Variants in DUSP15 observed in about 807,000 individuals in gnomAD.
DUSP15 encodes the protein dual specificity phosphatase 15, also known as dual specificity protein phosphatase 15.
DUSP15 carries 23 observed loss-of-function variants against 26.3 expected under a neutral mutation model. That is an observed-to-expected ratio of 0.87 (90% CI 0.63 to 1.24). DUSP15 has a LOEUF of 1.24. Among genes scored for constraint, DUSP15 ranks in the 50% most tolerant of loss-of-function variants. The probability of loss-of-function intolerance (pLI) is 0.00; values close to 1 mark genes in which losing one functional copy is unlikely to be tolerated. For missense variants in DUSP15, 364 were observed against 320.6 expected (o/e 1.14, Z -1.03); for synonymous variants, 143 against 135.5 (o/e 1.06, Z -0.39).
downstream of DUSP15, chr20:31,860,951 G>A: frequency 1.0e-6 from 1 of 988,088 alleles, no homozygotes; most frequent in South Asian, 4.7e-5. Context: ...CAGGCCCCCA[G>A]GGGATGCAGG....
chr20:31,870,160 C>G lies in DUSP15; in HGVS notation c.21+157G>C. The G allele has an allele frequency of 1.6e-6, 2 of 1,225,752 alleles. No homozygotes were observed. The highest frequency in any genetic ancestry group is 2.0e-6 in the Non-Finnish European group (2 of 983,534). The allele number at this position is 1,225,752 out of a possible 1,614,324, so 75.9% of individuals were successfully genotyped here. A position where few individuals can be genotyped will look rare whatever the true frequency, so the allele number is the denominator to read the frequency against. ...GACGCAGGGTCAGAGAGGGGGAGACCCGACAGCCGCGGTCTCGAGTCACAG... is the reference window on the plus strand; with the variant it reads ...GACGCAGGGTCAGAGAGGGGGAGACGCGACAGCCGCGGTCTCGAGTCACAG... On this transcript the variant is annotated intron_variant, in intron 1 of 6. Transcript: ENST00000339738. This position sits in a 1 kb window ranked among gnomAD's most constrained non-coding sequence, Gnocchi z 6.6.
chr20:31,848,943 G>A lies in DUSP15; in HGVS notation c.629-40C>T, dbSNP rs1403386611. On this transcript the variant is annotated intron_variant, in intron 8 of 9. Coordinates refer to the DUSP15 transcript ENST00000278979. ...ACAATTATACGACACTGAGACTATA[G>A]GGACTGGGCAAGAACTAGGCAACCC... 11 of 1,550,078 alleles carry A rather than the reference G, an allele frequency of 7.1e-6. 1 individual carries two copies. In the South Asian group the frequency reaches 1.3e-4, roughly 18 times the overall value.
In DUSP15 at chr20:31,861,694, G is replaced by T; in HGVS notation, c.436-19C>A. ...GGCGAAGCTGGGGTGGGCGGGTGAG[G>T]TGGGCGGGGTCAAGGCCGGCGCGGG... On this transcript the variant is annotated intron_variant, in intron 6 of 6. Transcript: ENST00000339738. The T allele has an allele frequency of 4.5e-6, 6 of 1,336,598 alleles. No individual in the cohort carries two copies. The highest frequency in any genetic ancestry group is 1.5e-5 in the South Asian group (1 of 67,264). The allele number at this position is 1,336,598 out of a possible 1,614,324, so 82.8% of individuals were successfully genotyped here.
downstream of DUSP15, among the ~76,000 whole-genome samples, chr20:31,858,053 G>A (rs1161211418): frequency 6.6e-6 from 1 of 152,184 alleles, no homozygotes; most frequent in African/African-American, 2.4e-5. The surrounding 1 kb of genome is among the most constrained non-coding windows in gnomAD (Gnocchi z 4.4). Context: ...GTGGCCCAGG[G>A]TCACAAGGCT....
chr20:31,851,320 G>A (rs1282981741), intron 6 of DUSP15, among the ~76,000 whole-genome samples: 1 of 152,014 alleles, frequency 6.6e-6, no homozygotes. Flanking sequence ...AGCTGTCGAC[G>A]ATGGCGGAAA....
rs775417105 is a variant in DUSP15, at chr20:31,867,122, A to C, written c.87T>G (p.Asn29Lys). The change falls in exon 3 of 7, where the codon AAT (asparagine) becomes AAG (lysine). Residue 29 changes from asparagine to lysine, a missense_variant. Physicochemically the swap from Asn to Lys is moderately conservative, Grantham distance 94 (BLOSUM62 0). Transcript: ENST00000339738. ...DAKDLDQLGR[N>K]KITHIISIHE... Reference sequence around the variant, plus strand: ...GGATAGAGATGATGTGTGTGATCTTATTTCGGCCCAGCTGATCCAGGTCTT... The same window carrying C: ...GGATAGAGATGATGTGTGTGATCTTCTTTCGGCCCAGCTGATCCAGGTCTT... The C allele has an allele frequency of 5.0e-6, 8 of 1,591,814 alleles. No homozygotes were observed. In the East Asian group the frequency reaches 1.8e-4, roughly 36 times the overall value.
At chr20:31,860,481 C>T (rs2062626018), downstream of DUSP15, among the ~76,000 whole-genome samples, 1 of 152,222 alleles carries the variant, frequency 6.6e-6, no homozygotes, top group Admixed American at 6.5e-5. Context: ...GTCATTCCCA[C>T]TAGCTGGGGG....
In DUSP15 at chr20:31,853,902, C is replaced by A. The variant is rs146589677; in HGVS notation, c.427-3226G>T. The stretch of plus-strand genomic sequence containing the variant: ...TACAGGTGTGAGTTACCGTGCCCAG[C>A]CTGGGAGGCTACTTTAAAGAGTGTG... On this transcript the variant is annotated intron_variant, in intron 6 of 9. Coordinates refer to the DUSP15 transcript ENST00000278979. 2.4e-3 allele frequency among the ~76,000 whole-genome samples: 362 copies of A among 152,254 alleles called. 2 individuals are homozygous for A. The highest frequency in any genetic ancestry group is 8.1e-3 in the African/African-American group (338 of 41,548).
At chr20:31,851,389 G>A (rs1257217010) in intron 6 of DUSP15, among the ~76,000 whole-genome samples, 1 of 152,036 alleles carries the variant, frequency 6.6e-6, no homozygotes, top group Non-Finnish European at 1.5e-5. Context: ...CAGAGCTGAT[G>A]GGAACAGTGA....
chr20:31,854,615 T>A (rs1446776626), intron 6 of DUSP15, among the ~76,000 whole-genome samples: 3 of 152,114 alleles, frequency 2.0e-5, no homozygotes, highest in African/African-American at 7.2e-5. Flanking sequence ...AGCTGGGCCT[T>A]GAAGGGTCAG....
At position 31,870,473 on chromosome 20, in the gene DUSP15, C is replaced by T. The variant is rs2062898776; in HGVS notation, c.-136G>A. Reference sequence around the variant, plus strand: ...GGGGGCCTGGCGTCCGCGGCCCTGCCCAGCCCTGCCCAGCCACCGCCACCG... The same window carrying T: ...GGGGGCCTGGCGTCCGCGGCCCTGCTCAGCCCTGCCCAGCCACCGCCACCG... On this transcript the variant is annotated 5_prime_UTR_variant, in exon 1 of 7. Coordinates refer to ENST00000339738, the MANE Select transcript of DUSP15 (RefSeq NM_080611.5). The surrounding 1 kb of genome is among the most constrained non-coding windows in gnomAD (Gnocchi z 6.6). 7.5e-7 allele frequency: 1 copy of T among 1,341,274 alleles called. No homozygotes were observed. Among genetic ancestry groups the T allele is most frequent in the Non-Finnish European group, 9.5e-7 (1 of 1,051,274 alleles). 83.1% of individuals were successfully genotyped at this position (1,341,274 alleles called of 1,614,324 possible). A position where few individuals can be genotyped will look rare whatever the true frequency, so the allele number is the denominator to read the frequency against.
chr20:31,866,497 G>T (rs1197256311), intron 3 of DUSP15, among the ~76,000 whole-genome samples: 2 of 152,150 alleles, frequency 1.3e-5, no homozygotes, highest in Admixed American at 6.5e-5. Flanking sequence ...GTGTAGTCTG[G>T]ATTTATTACT....
intron 8 of DUSP15, chr20:31,849,481 C>T (rs1232646752): frequency 4.3e-6 from 3 of 690,936 alleles, no homozygotes; most frequent in Admixed American, 1.9e-5. Context: ...CTTTGCCCAC[C>T]GCGTCCTTAT....
chr20:31,861,738 G>GGC, intron 6 of DUSP15, 63 bp from the exon 7 acceptor site: 1 of 1,290,712 alleles, frequency 7.7e-7, no homozygotes, highest in Non-Finnish European at 1.0e-6. Flanking sequence ...AAGGCAGCCG[G>GGC]CCCCGCCCCC....
upstream of DUSP15, chr20:31,870,630 C>A: frequency 7.5e-7 from 1 of 1,327,712 alleles, no homozygotes; most frequent in Non-Finnish European, 9.6e-7. The surrounding 1 kb of genome is among the most constrained non-coding windows in gnomAD (Gnocchi z 6.6). Context: ...CCGGACAAAG[C>A]CCCAGTGTGC....
exon 10 of DUSP15, chr20:31,848,305 G>T (rs559432860): frequency 5.1e-6 from 7 of 1,376,446 alleles, no homozygotes; most frequent in Middle Eastern, 2.0e-4. Context: ...TCTGCCGTCC[G>T]GCAGACCTGG....
chr20:31,853,003 G>T (rs942675517), intron 6 of DUSP15, among the ~76,000 whole-genome samples: 61 of 152,276 alleles, frequency 4.0e-4, no homozygotes, highest in African/African-American at 1.4e-3. Context: ...GCCTTGGGGG[G>T]GCATTTGGGG....
rs1182503468 is a variant in DUSP15, at chr20:31,861,172, A to G, written c.*231T>C. 1 of 1,250,642 alleles carries G rather than the reference A, an allele frequency of 8.0e-7. No homozygotes were observed. The highest frequency in any genetic ancestry group is 1.0e-6 in the Non-Finnish European group (1 of 998,624). 77.5% of individuals were successfully genotyped at this position (1,250,642 alleles called of 1,614,324 possible). A position where few individuals can be genotyped will look rare whatever the true frequency, so the allele number is the denominator to read the frequency against. On this transcript the variant is annotated 3_prime_UTR_variant, in exon 7 of 7. Coordinates refer to ENST00000339738, the MANE Select transcript of DUSP15 (RefSeq NM_080611.5). ...CCTTTAAGGGTGGGCCCCCTCCCCC[A>G]GCCCAAGGACTAAGGCACCAGGTGG...
chr20:31,849,839 G>A (rs2062437344), exon 8 of DUSP15: 3 of 1,524,718 alleles, frequency 2.0e-6, no homozygotes, highest in Non-Finnish European at 1.7e-6. Flanking sequence ...GCGCACCAGC[G>A]CTGCGGAGAG....
Sources: gnomAD v4.1 joint callset for allele counts (sites outside exome capture counted in the v4.1 genomes callset) on GRCh38, gnomAD v4.1.1 for gene constraint, Gnocchi (gnomAD v3.1) non-coding constraint, MANE v1.5 for transcripts, NCBI Gene and HGNC (gene_info 2026-07-23, HGNC 2026-07-21) for gene names.